CABLES1: variants seen among roughly 807,000 people sequenced by gnomAD.
CABLES1 encodes the protein Cdk5 and Abl enzyme substrate 1, also known as CDK5 and ABL1 enzyme substrate 1.
CABLES1 carries 36 observed loss-of-function variants against 57.8 expected under a neutral mutation model. The observed-to-expected ratio is 0.62, with a 90% CI of 0.48 to 0.82. CABLES1 has a LOEUF of 0.82. Ranked by LOEUF, CABLES1 falls within the 40% of genes least tolerant of loss-of-function variation. CABLES1 has a pLI of 0.00. For missense variants in CABLES1, 767 were observed against 836.6 expected, an observed-to-expected ratio of 0.92 and a Z score of 1.03; for synonymous variants, 374 against 363.0, an observed-to-expected ratio of 1.03 and a Z score of -0.35.
chr18:23,251,913 C>G (rs1887210694), intron 7 of CABLES1, among the ~76,000 whole-genome samples: 1 of 152,072 alleles, frequency 6.6e-6, no homozygotes, highest in Non-Finnish European at 1.5e-5. Context: ...TGGTGAAACT[C>G]AGTCTCTCTT....
chr18:23,229,394 A>ATGG (rs2047551146), intron 4 of CABLES1, among the ~76,000 whole-genome samples: 1 of 152,130 alleles, frequency 6.6e-6, no homozygotes, highest in Non-Finnish European at 1.5e-5. Flanking sequence ...CCTAGGCAAC[A>ATGG]AGAGTAAAAC....
At chr18:23,154,890 T>C (rs1250224253) in intron 1 of CABLES1, among the ~76,000 whole-genome samples, 1 of 152,246 alleles carries the variant, frequency 6.6e-6, no homozygotes, top group Non-Finnish European at 1.5e-5. Flanking sequence ...ACACTTGCAC[T>C]GTCTAAGAAC....
intron 7 of CABLES1, among the ~76,000 whole-genome samples, 155 bp downstream of exon 7, chr18:23,237,400 C>T (rs1360172858): frequency 6.6e-6 from 1 of 152,234 alleles, no homozygotes; most frequent in Non-Finnish European, 1.5e-5. Flanking sequence ...CCAGTATTGC[C>T]TCCTGTCCAG....
intron 1 of CABLES1, among the ~76,000 whole-genome samples, chr18:23,144,678 C>G (rs2046880259): frequency 6.6e-6 from 1 of 152,178 alleles, no homozygotes; most frequent in Non-Finnish European, 1.5e-5. Flanking sequence ...GAATCTAGAG[C>G]TAGAATTGAA....
intron 6 of CABLES1, 35 bp downstream of exon 6, chr18:23,236,086 G>A (rs1225280426): frequency 1.9e-6 from 3 of 1,607,242 alleles, no homozygotes; most frequent in African/African-American, 2.7e-5. Flanking sequence ...GTAGCTCGTG[G>A]TGGGAGGGAG....
At chr18:23,215,685 C>T (rs1249074138) in intron 4 of CABLES1, among the ~76,000 whole-genome samples, 2 of 152,176 alleles carry the variant, frequency 1.3e-5, no homozygotes, top group African/African-American at 2.4e-5. Flanking sequence ...GGTTCGTGTG[C>T]CCCTGAACAG....
intron 4 of CABLES1, among the ~76,000 whole-genome samples, chr18:23,232,508 C>T (rs2047573484): frequency 6.6e-6 from 1 of 152,212 alleles, no homozygotes; most frequent in Non-Finnish European, 1.5e-5. Context: ...TGCCAGTGCC[C>T]CTGTGCATTC....
intron 4 of CABLES1, among the ~76,000 whole-genome samples, chr18:23,224,830 A>G (rs968089600): frequency 6.6e-6 from 1 of 151,324 alleles, no homozygotes; most frequent in East Asian, 1.9e-4. Flanking sequence ...CAGCCTCCCA[A>G]AGTACTGGGA....
chr18:23,237,221 C>T lies in CABLES1; in HGVS notation c.1422C>T (p.Arg474=), dbSNP rs775472800. The change falls in exon 7 of 10, where the codon CGC becomes CGT. Residue 474 remains arginine, a synonymous_variant. Coordinates refer to ENST00000256925, the MANE Select transcript of CABLES1 (RefSeq NM_001100619.3). ...DPQWPCGKHK[R]VLIFPSYMTT... ...AGTGGCCTTGTGGCAAACACAAACGCGTTCTGATCTTCCCTTCCTACATGG... is the reference window on the plus strand; with the variant it reads ...AGTGGCCTTGTGGCAAACACAAACGTGTTCTGATCTTCCCTTCCTACATGG... 25 of 1,612,216 alleles carry T rather than the reference C, an allele frequency of 1.6e-5. No homozygotes were observed. The highest frequency in any genetic ancestry group is 1.4e-4 in the South Asian group (13 of 91,054).
chr18:23,200,452 C>T (rs540088115), intron 3 of CABLES1, among the ~76,000 whole-genome samples: 27 of 152,110 alleles, frequency 1.8e-4, no homozygotes, highest in South Asian at 6.2e-4. Context: ...TTAGTAGAGA[C>T]GGGGTTTCAC....
chr18:23,220,168 C>A (rs1423797004), intron 4 of CABLES1, among the ~76,000 whole-genome samples: 1 of 152,162 alleles, frequency 6.6e-6, no homozygotes, highest in Non-Finnish European at 1.5e-5. Context: ...CATGCTCTTC[C>A]TTACCGTGAT....
intron 5 of CABLES1, among the ~76,000 whole-genome samples, chr18:23,235,540 T>C (rs556324720): frequency 3.5e-4 from 54 of 152,352 alleles, no homozygotes; most frequent in Admixed American, 1.6e-3. Flanking sequence ...TGTTCTGGGC[T>C]TCTGCACTTG....
At chr18:23,167,797 T>C (rs9916916) in intron 1 of CABLES1, among the ~76,000 whole-genome samples, 2,384 of 152,044 alleles carry the variant, frequency 0.016, 61 homozygotes, top group African/African-American at 0.054. Context: ...CTGCAGGTCG[T>C]TGGGGGCCTC....
chr18:23,241,302 G>T (rs1196692161), intron 7 of CABLES1, among the ~76,000 whole-genome samples: 2 of 151,902 alleles, frequency 1.3e-5, no homozygotes, highest in East Asian at 1.9e-4. Flanking sequence ...TGGGTAAGGT[G>T]GGGGGATCAC....
At chr18:23,250,139 G>A (rs756001856) in intron 7 of CABLES1, among the ~76,000 whole-genome samples, 10 of 152,216 alleles carry the variant, frequency 6.6e-5, no homozygotes, top group Non-Finnish European at 1.5e-4. Context: ...CCCTCCCACA[G>A]GCACTTCAAC....
chr18:23,238,631 C>G (rs1216964356), intron 7 of CABLES1, among the ~76,000 whole-genome samples: 1 of 152,176 alleles, frequency 6.6e-6, no homozygotes, highest in Non-Finnish European at 1.5e-5. Flanking sequence ...AATGATTGCC[C>G]TGATGTCAAG....
intron 7 of CABLES1, among the ~76,000 whole-genome samples, chr18:23,249,263 C>G (rs758152275): frequency 6.6e-6 from 1 of 152,220 alleles, no homozygotes; most frequent in African/African-American, 2.4e-5. Context: ...GCTTTCCAGC[C>G]TCCGTAGCAC....
chr18:23,150,911 G>A (rs1303049824), intron 1 of CABLES1, among the ~76,000 whole-genome samples: 2 of 152,116 alleles, frequency 1.3e-5, no homozygotes, highest in Admixed American at 6.5e-5. Flanking sequence ...GTGAACTCGG[G>A]GAGCCAAGGG....
chr18:23,245,914 C>T (rs769417856), intron 7 of CABLES1, among the ~76,000 whole-genome samples: 3 of 152,254 alleles, frequency 2.0e-5, no homozygotes, highest in South Asian at 2.1e-4. Flanking sequence ...GGGCCTGCTG[C>T]GGGCCACAAG....
Sources: allele counts gnomAD v4.1 joint callset (sites outside exome capture counted in the v4.1 genomes callset), GRCh38; gene constraint gnomAD v4.1.1; transcripts MANE v1.5; gene names NCBI Gene and HGNC (gene_info 2026-07-23, HGNC 2026-07-21).